ZNF365: variants seen among roughly 807,000 people sequenced by gnomAD.
ZNF365 encodes protein ZNF365.
Under a neutral mutation model 35.0 loss-of-function variants are expected in ZNF365, and 22 were observed. The observed-to-expected ratio is 0.63, with a 90% CI of 0.45 to 0.90. ZNF365 has a LOEUF of 0.90. Ranked by LOEUF, ZNF365 falls within the 40% of genes least tolerant of loss-of-function variation. The pLI is 0.00. For synonymous variants in ZNF365, 188 were observed against 196.2 expected (o/e 0.96, Z 0.35); for missense variants, 448 against 500.3 (o/e 0.90, Z 1.00).
chr10:62,456,480 C>A (rs924278704), intron 3 of ZNF365, among the ~76,000 whole-genome samples: 5 of 151,978 alleles, frequency 3.3e-5, no homozygotes, highest in Non-Finnish European at 1.5e-5. Context: ...TCATTGGTTA[C>A]CTGTATACTT....
At chr10:62,421,157 A>G (rs1423735102) in intron 3 of ZNF365, among the ~76,000 whole-genome samples, 1 of 152,040 alleles carries the variant, frequency 6.6e-6, no homozygotes, top group Non-Finnish European at 1.5e-5. Context: ...TTGATTGTTA[A>G]TGTCTAAGTC....
chr10:62,454,155 C>G (rs546651667), intron 3 of ZNF365, among the ~76,000 whole-genome samples: 2 of 152,224 alleles, frequency 1.3e-5, no homozygotes, highest in Non-Finnish European at 2.9e-5. Flanking sequence ...TCATAGGGAA[C>G]TTACCAGGTA....
At chr10:62,444,489 C>A (rs1840552203) in intron 3 of ZNF365, among the ~76,000 whole-genome samples, 1 of 152,080 alleles carries the variant, frequency 6.6e-6, no homozygotes, top group Non-Finnish European at 1.5e-5. Context: ...GGCCCTGGGC[C>A]CCAGGGCTGG....
At chr10:62,399,442 G>T in intron 4 of ZNF365, 86 bp from the exon 5 acceptor site, 1 of 1,539,986 alleles carries the variant, frequency 6.5e-7, no homozygotes, top group Non-Finnish European at 8.8e-7. Context: ...GAGAGATTGT[G>T]CCATGAGTAA....
chr10:62,421,317 T>A (rs1281963278), intron 3 of ZNF365, among the ~76,000 whole-genome samples: 1 of 152,166 alleles, frequency 6.6e-6, no homozygotes, highest in Non-Finnish European at 1.5e-5. Flanking sequence ...TACCTGGCCT[T>A]TACCAAAAGA....
intron 3 of ZNF365, among the ~76,000 whole-genome samples, chr10:62,455,854 T>G (rs1358192898): frequency 6.6e-6 from 1 of 152,212 alleles, no homozygotes; most frequent in Non-Finnish European, 1.5e-5. Context: ...TACCCAAGGT[T>G]CAGTAACTTG....
chr10:62,467,632 G>T (rs1216500118), intron 4 of ZNF365, among the ~76,000 whole-genome samples: 1 of 152,186 alleles, frequency 6.6e-6, no homozygotes, highest in Admixed American at 6.5e-5. Flanking sequence ...ACAAATCCAA[G>T]TTGGACTTAT....
chr10:62,377,848 G>C (rs1589424474), intron 2 of ZNF365, among the ~76,000 whole-genome samples: 1 of 152,276 alleles, frequency 6.6e-6, no homozygotes, highest in East Asian at 1.9e-4. Flanking sequence ...TAAAAGGTAG[G>C]TTTCCAAATA....
chr10:62,461,606 A>G (rs911784606), intron 4 of ZNF365, among the ~76,000 whole-genome samples: 7 of 152,214 alleles, frequency 4.6e-5, no homozygotes, highest in African/African-American at 1.7e-4. Flanking sequence ...CCTTGGATGT[A>G]GCTGCTCAAT....
intron 2 of ZNF365, among the ~76,000 whole-genome samples, chr10:62,378,245 A>G (rs1233089052): frequency 6.6e-6 from 1 of 152,228 alleles, no homozygotes; most frequent in African/African-American, 2.4e-5. Context: ...AAAAAAGGGC[A>G]GATGTGGTTA....
intron 3 of ZNF365, among the ~76,000 whole-genome samples, chr10:62,418,785 GGGCAATCCATACCTTCCTTTTA>G (rs1418335397): frequency 6.6e-6 from 1 of 152,022 alleles, no homozygotes; most frequent in African/African-American, 2.4e-5. Context: ...CTTCCTCAAA[GGGCAATCCATACCTTCCTTTTA>G]GGCAGATAAA....
At chr10:62,440,240 T>A (rs1475973767) in intron 3 of ZNF365, among the ~76,000 whole-genome samples, 4 of 151,994 alleles carry the variant, frequency 2.6e-5, no homozygotes, top group Non-Finnish European at 4.4e-5. Context: ...TCTTTTTTTT[T>A]AAACTTTTAT....
chr10:62,433,225 A>T (rs1456373449), intron 3 of ZNF365, among the ~76,000 whole-genome samples: 1 of 152,200 alleles, frequency 6.6e-6, no homozygotes, highest in Non-Finnish European at 1.5e-5. Context: ...AAACAGTTTA[A>T]TGAGTTTTGG....
rs1839992036 is a variant in ZNF365, at chr10:62,412,009, C to A, written c.924+23433C>A. On this transcript the variant is annotated intron_variant, in intron 3 of 4. Coordinates refer to the ZNF365 transcript ENST00000395255. ...AAGAGAAAACTTCAAGCCAGTATCC[C>A]TGATGAACATTAATGCAAAAATCCT... Among the ~76,000 whole-genome samples the A allele has an allele frequency of 2.0e-5, 3 of 151,996 alleles. No individual in the cohort carries two copies. In the South Asian group the frequency reaches 6.2e-4, roughly 31 times the overall value.
At position 62,401,437 on chromosome 10, in the gene ZNF365, C is replaced by G; in HGVS notation, c.*1648C>G. 1.0e-6 allele frequency: 1 copy of G among 985,224 alleles called. No individual in the cohort carries two copies. Among genetic ancestry groups the G allele is most frequent in the Non-Finnish European group, 1.2e-6 (1 of 829,868 alleles). The allele number at this position is 985,224 out of a possible 1,614,324, so 61.0% of individuals were successfully genotyped here. A position where few individuals can be genotyped will look rare whatever the true frequency, so the allele number is the denominator to read the frequency against. ...CTTATCATTATACAAACATTCTGAA[C>G]CTACCATAATGAAAATGTTCTTGAA... On this transcript the variant is annotated 3_prime_UTR_variant, in exon 5 of 5. Coordinates refer to ENST00000395254, the MANE Select transcript of ZNF365 (RefSeq NM_014951.3).
rs959215090 is a variant in ZNF365, at chr10:62,401,853, C to T, written c.*2064C>T. The T allele has an allele frequency of 1.9e-5, 19 of 985,328 alleles. No individual in the cohort carries two copies. Among genetic ancestry groups the T allele is most frequent in the Non-Finnish European group, 2.3e-5 (19 of 829,886 alleles). The allele number at this position is 985,328 out of a possible 1,614,324, so 61.0% of individuals were successfully genotyped here. On this transcript the variant is annotated 3_prime_UTR_variant, in exon 5 of 5. Coordinates refer to ENST00000395254, the MANE Select transcript of ZNF365 (RefSeq NM_014951.3). ...GTACCCCATGATCTTCAGAAAGTAC[C>T]ATAATGTCATCCTACTCTACATTTC...
At chr10:62,414,714 G>A (rs1840045923) in intron 3 of ZNF365, among the ~76,000 whole-genome samples, 1 of 152,184 alleles carries the variant, frequency 6.6e-6, no homozygotes. Context: ...GTGTTTAAGT[G>A]TGATTTTATT....
At position 62,400,024 on chromosome 10, in the gene ZNF365, T is replaced by A. The variant is rs1564574628; in HGVS notation, c.*235T>A. On this transcript the variant is annotated 3_prime_UTR_variant, in exon 5 of 5. Transcript: ENST00000395254. ...GCAAATTACAGAAAGAATAAAAAAA[T>A]TAAATCAATCTTAAAGCTCTAACTT... 12 of 1,301,890 alleles carry A rather than the reference T, an allele frequency of 9.2e-6. No homozygotes were observed. The highest frequency in any genetic ancestry group is 2.9e-4 in the Middle Eastern group (1 of 3,464). 80.6% of individuals were successfully genotyped at this position (1,301,890 alleles called of 1,614,324 possible).
chr10:62,396,898 A>G (rs1451221643), intron 3 of ZNF365, among the ~76,000 whole-genome samples: 1 of 152,244 alleles, frequency 6.6e-6, no homozygotes, highest in Admixed American at 6.5e-5. Flanking sequence ...TAATTAAAAA[A>G]ACAATAAGGA....
Sources: allele counts gnomAD v4.1 joint callset (sites outside exome capture counted in the v4.1 genomes callset), GRCh38; gene constraint gnomAD v4.1.1; transcripts MANE v1.5; gene names NCBI Gene and HGNC (gene_info 2026-07-23, HGNC 2026-07-21).